Variants in MEI1 observed in about 807,000 individuals in gnomAD.
MEI1 encodes the protein meiotic double-stranded break formation protein 1, also known as meiosis inhibitor protein 1.
MEI1 carries 103 observed loss-of-function variants against 146.2 expected under a neutral mutation model. That is an observed-to-expected ratio of 0.70 (90% CI 0.60 to 0.83). The LOEUF (loss-of-function observed/expected upper bound fraction) is 0.83, where lower values mean the gene tolerates loss of function less well. Ranked by LOEUF, MEI1 falls within the 40% of genes least tolerant of loss-of-function variation. MEI1 has a pLI of 0.00. For synonymous variants in MEI1, 652 were observed against 628.2 expected, an observed-to-expected ratio of 1.04 and a Z score of -0.57; for missense variants, 1,529 against 1,533.0, an observed-to-expected ratio of 1.00 and a Z score of 0.04.
chr22:41,776,093 C>T lies in MEI1; in HGVS notation c.2545-9C>T, dbSNP rs775258011. The T allele has an allele frequency of 6.2e-7, 1 of 1,613,434 alleles. No individual in the cohort carries two copies. Among genetic ancestry groups the T allele is most frequent in the South Asian group, 1.1e-5 (1 of 91,040 alleles). On this transcript the variant is annotated splice_polypyrimidine_tract_variant and intron_variant, in intron 20 of 30. Coordinates refer to ENST00000401548, the MANE Select transcript of MEI1 (RefSeq NM_152513.4). ...CCTCTGATCTCTGGCTTTCTTCTCT[C>T]CTGCTCAGGACCTCATCTATTCCAG...
intron 17 of MEI1, among the ~76,000 whole-genome samples, chr22:41,756,921 C>T (rs576125732): frequency 9.8e-5 from 15 of 152,368 alleles, no homozygotes; most frequent in Middle Eastern, 3.4e-3. Context: ...CTGCAGATTA[C>T]ATCACATAGT....
At chr22:41,782,378 G>A (rs184226452) in intron 24 of MEI1, among the ~76,000 whole-genome samples, 75 of 152,346 alleles carry the variant, frequency 4.9e-4, no homozygotes, top group African/African-American at 1.7e-3. Context: ...GCAAGCCGTG[G>A]AATGCCACAC....
At chr22:41,732,138 G>T (rs1014644919) in intron 9 of MEI1, 107 bp from the exon 10 acceptor site, 86 of 815,330 alleles carry the variant, frequency 1.1e-4, no homozygotes, top group Admixed American at 3.8e-4. Context: ...TCCACGAGTG[G>T]CCTCCAACTC....
Position 41,784,823 on chromosome 22 carries a change from A to G in MEI1, c.3345+40A>G, listed in dbSNP as rs371848020. ...GAGTGGGGCTTGCTTCTCCCAGGAC[A>G]ACAGCAGGAAGGGGTGGCTGCCTGT... On this transcript the variant is annotated intron_variant, in intron 26 of 30. Coordinates refer to ENST00000401548, the MANE Select transcript of MEI1 (RefSeq NM_152513.4). 2.2e-5 allele frequency: 33 copies of G among 1,509,754 alleles called. No homozygotes were observed. The African/African-American group carries it at 4.3e-4, about 20-fold the overall frequency. 93.5% of individuals were successfully genotyped at this position (1,509,754 alleles called of 1,614,324 possible).
chr22:41,720,687 C>T (rs994610916), intron 6 of MEI1, among the ~76,000 whole-genome samples: 3 of 151,802 alleles, frequency 2.0e-5, no homozygotes, highest in South Asian at 2.1e-4. Context: ...AGCTCCACCT[C>T]CCGGGTTCAC....
At chr22:41,762,670 A>G (rs1326728004) in intron 18 of MEI1, among the ~76,000 whole-genome samples, 1 of 151,470 alleles carries the variant, frequency 6.6e-6, no homozygotes, top group Non-Finnish European at 1.5e-5. Context: ...TCTAGGCATG[A>G]GCCATCACAC....
At position 41,718,283 on chromosome 22, in the gene MEI1, T is replaced by C. The variant is rs200197297; in HGVS notation, c.733+9T>C. 6.2e-7 allele frequency: 1 copy of C among 1,612,976 alleles called. No homozygotes were observed. Among genetic ancestry groups the C allele is most frequent in the African/African-American group, 1.3e-5 (1 of 75,002 alleles). On this transcript the variant is annotated intron_variant, in intron 6 of 30. Coordinates refer to ENST00000401548, the MANE Select transcript of MEI1 (RefSeq NM_152513.4). The stretch of plus-strand genomic sequence containing the variant: ...GCAGATTAACTGCTTGGGTAAGACA[T>C]GAGGCTGGAGAAAAAAGGGAGAATA...
intron 6 of MEI1, among the ~76,000 whole-genome samples, chr22:41,723,511 G>A (rs1046893134): frequency 2.0e-5 from 3 of 152,010 alleles, no homozygotes; most frequent in Non-Finnish European, 4.4e-5. Context: ...CACCACGCCT[G>A]GTCTTGTCTT....
chr22:41,770,608 A>G, intron 19 of MEI1, 78 bp from the exon 20 acceptor site: 11 of 1,205,010 alleles, frequency 9.1e-6, no homozygotes, highest in Non-Finnish European at 1.3e-5. Context: ...CATTTTTCCT[A>G]GTCATCTCTT....
intron 3 of MEI1, among the ~76,000 whole-genome samples, chr22:41,712,210 A>AAAAAAAAAAAAAAAG (rs2069635723): frequency 7.0e-6 from 1 of 143,698 alleles, no homozygotes; most frequent in African/African-American, 2.8e-5. Flanking sequence ...GGCTCAAAAA[A>AAAAAAAAAAAAAAAG]AAAAAAGCAT....
chr22:41,747,782 T>C lies in MEI1; in HGVS notation c.1681-325T>C, dbSNP rs74278415. 9.1e-4 allele frequency among the ~76,000 whole-genome samples: 135 copies of C among 147,690 alleles called. 1 individual carries two copies. In the East Asian group the frequency reaches 0.023, roughly 25 times the overall value. On this transcript the variant is annotated intron_variant, in intron 14 of 30. Transcript: ENST00000401548. ...CAGTTTATAAACTATATTATTATTATTACTATCGTAATAGAAACATGAGAG... is the reference window on the plus strand; with the variant it reads ...CAGTTTATAAACTATATTATTATTACTACTATCGTAATAGAAACATGAGAG...
In MEI1 at chr22:41,781,677, C is replaced by T. The variant is rs2075763275; in HGVS notation, c.2927-8C>T. The T allele has an allele frequency of 2.5e-6, 4 of 1,611,792 alleles. No homozygotes were observed. Among genetic ancestry groups the T allele is most frequent in the Non-Finnish European group, 3.4e-6 (4 of 1,179,140 alleles). The stretch of plus-strand genomic sequence containing the variant: ...TCCTGTGGGCCCTGCCTTGCCCACC[C>T]CCGACAGCTGCTGCAGTGCTCCTGA... On this transcript the variant is annotated splice_polypyrimidine_tract_variant and splice_region_variant and intron_variant, in intron 23 of 30. Transcript: ENST00000401548.
At chr22:41,747,568 A>G (rs1883369) in intron 14 of MEI1, among the ~76,000 whole-genome samples, 126,674 of 151,918 alleles carry the variant, frequency 0.83, 53,766 homozygotes, top group African/African-American at 0.95. Context: ...GCCGGGCGTG[A>G]TGGCGCATGA....
chr22:41,797,774 A>G (rs780945066), intron 30 of MEI1, among the ~76,000 whole-genome samples: 15 of 152,196 alleles, frequency 9.9e-5, no homozygotes, highest in Non-Finnish European at 7.3e-5. Flanking sequence ...TCTGGTCCCA[A>G]GAATTTTGGA....
At chr22:41,732,375 A>C (rs760691876) in intron 10 of MEI1, 31 bp downstream of exon 10, 1 of 1,613,310 alleles carries the variant, frequency 6.2e-7, no homozygotes. Flanking sequence ...TGAGGCTTGT[A>C]GGGGCCAGAC....
At chr22:41,736,528 C>T (rs1278334876) in intron 11 of MEI1, among the ~76,000 whole-genome samples, 2 of 152,144 alleles carry the variant, frequency 1.3e-5, no homozygotes, top group African/African-American at 4.8e-5. Context: ...GCTGGGATTA[C>T]AGGCGTGAGC....
chr22:41,792,579 G>T (rs1004577960), intron 26 of MEI1, among the ~76,000 whole-genome samples: 2 of 152,062 alleles, frequency 1.3e-5, no homozygotes, highest in African/African-American at 4.8e-5. Flanking sequence ...TGGGGTGAAG[G>T]GGCAGGTCAG....
intron 3 of MEI1, among the ~76,000 whole-genome samples, chr22:41,708,799 GAC>G (rs2069303898): frequency 6.6e-6 from 1 of 152,218 alleles, no homozygotes; most frequent in Non-Finnish European, 1.5e-5. Flanking sequence ...TAGATTGCCT[GAC>G]ACACTGGTAA....
At chr22:41,760,417 G>A (rs950166502) in intron 18 of MEI1, among the ~76,000 whole-genome samples, 1 of 152,196 alleles carries the variant, frequency 6.6e-6, no homozygotes, top group Admixed American at 6.5e-5. Context: ...GCTTAGACAG[G>A]AGAATTGCTT....
Sources: gnomAD v4.1 joint callset for allele counts (sites outside exome capture counted in the v4.1 genomes callset) on GRCh38, gnomAD v4.1.1 for gene constraint, MANE v1.5 for transcripts, NCBI Gene and HGNC (gene_info 2026-07-23, HGNC 2026-07-21) for gene names.